The following SERPINB11 variants were observed in gnomAD, a reference collection of about 807,000 sequenced individuals.
SERPINB11 encodes serpin family B member 11.
Under a neutral mutation model 36.7 loss-of-function variants are expected in SERPINB11, and 32 were observed. That is an observed-to-expected ratio of 0.87 (90% CI 0.66 to 1.17). SERPINB11 has a LOEUF of 1.17. Among genes scored for constraint, SERPINB11 ranks in the 50% most tolerant of loss-of-function variants. The probability of loss-of-function intolerance (pLI) is 0.00; values close to 1 mark genes in which losing one functional copy is unlikely to be tolerated. For missense variants in SERPINB11, 528 were observed against 458.4 expected (o/e 1.15, Z -1.39); for synonymous variants, 174 against 168.1 (o/e 1.04, Z -0.27).
chr18:63,710,126 A>T, intron 1 of SERPINB11, 53 bp from the exon 2 acceptor site: 1 of 1,403,376 alleles, frequency 7.1e-7, no homozygotes, highest in Non-Finnish European at 9.6e-7. Flanking sequence ...AACTCCAGAT[A>T]CTATCTGTAA....
chr18:63,722,948 G>T (rs1232732849), intron 7 of SERPINB11, 47 bp from the exon 8 acceptor site: 1 of 1,484,516 alleles, frequency 6.7e-7, no homozygotes, highest in African/African-American at 1.4e-5. Flanking sequence ...TTAATGTAGA[G>T]GTCGTGTGTT....
intron 1 of SERPINB11, among the ~76,000 whole-genome samples, chr18:63,703,488 T>C (rs1415150174): frequency 1.3e-5 from 2 of 152,240 alleles, no homozygotes; most frequent in African/African-American, 4.8e-5. Context: ...GTGTATTCTG[T>C]ACATGCAGGT....
Position 63,720,066 on chromosome 18 carries a change from G to T in SERPINB11, c.529G>T (p.Val177Phe), listed in dbSNP as rs369047686. 3.1e-6 allele frequency: 5 copies of T among 1,610,984 alleles called. No homozygotes were observed. The highest frequency in any genetic ancestry group is 1.3e-5 in the African/African-American group (1 of 74,766). The part of the protein sequence containing the change: ...KSTIDPSSVM[V>F]LVNAIYFKGQ... The stretch of plus-strand genomic sequence containing the variant: ...CACAATTGACCCTTCATCTGTAATG[G>T]TCCTGGTGAATGCCATATATTTCAA... Residue 177 changes from valine (V) to phenylalanine (F), a missense_variant, in exon 6 of 8, where the codon GTC (valine) becomes TTC (phenylalanine). Val to Phe is a conservative substitution (Grantham distance 50, BLOSUM62 -1). Transcript: ENST00000544088.
chr18:63,716,263 C>G (rs1598965399), intron 5 of SERPINB11, 111 bp downstream of exon 5: 2 of 588,422 alleles, frequency 3.4e-6, no homozygotes, highest in Non-Finnish European at 2.9e-6. Flanking sequence ...ATAGGCAGAT[C>G]AGCAAGAAAG....
chr18:63,708,243 A>AC (rs1359970310), intron 1 of SERPINB11, among the ~76,000 whole-genome samples: 4 of 152,192 alleles, frequency 2.6e-5, no homozygotes, highest in Admixed American at 6.5e-5. Flanking sequence ...TCTCTGAGTA[A>AC]AAGGGAAGAC....
At chr18:63,707,038 G>C (rs79303753) in intron 1 of SERPINB11, among the ~76,000 whole-genome samples, 2 of 152,246 alleles carry the variant, frequency 1.3e-5, no homozygotes, top group South Asian at 4.2e-4. Flanking sequence ...TGTCTTTCTC[G>C]TAAGAATTAT....
In SERPINB11 at chr18:63,711,377, T is replaced by C. The variant is rs1914520694; in HGVS notation, c.211T>C (p.Phe71Leu). ...SHTVDSLKPG[F>L]KDSPKCSQAG... ...TACTGTAGACTCATTAAAACCAGGG[T>C]TCAAGGACTCACCTAAGGTATGATA... Residue 71 changes from phenylalanine (F) to leucine (L), a missense_variant, in exon 3 of 8, where the codon TTC (phenylalanine) becomes CTC (leucine). By Grantham distance (22) the Phe-to-Leu change is conservative. Transcript: ENST00000544088. 6.2e-7 allele frequency: 1 copy of C among 1,608,918 alleles called. No individual in the cohort carries two copies. Among genetic ancestry groups the C allele is most frequent in the Non-Finnish European group, 8.5e-7 (1 of 1,176,060 alleles).
chr18:63,723,488 T>A lies in SERPINB11; in HGVS notation c.*89T>A. The A allele has an allele frequency of 8.2e-7, 1 of 1,223,870 alleles. No individual in the cohort carries two copies. The highest frequency in any genetic ancestry group is 1.1e-6 in the Non-Finnish European group (1 of 871,652). The allele number at this position is 1,223,870 out of a possible 1,614,324, so 75.8% of individuals were successfully genotyped here. On this transcript the variant is annotated 3_prime_UTR_variant, in exon 8 of 8. Coordinates refer to ENST00000544088, the MANE Select transcript of SERPINB11 (RefSeq NM_001370475.1). ...CCACGGCCAAAAAGCTGTTCACACC[T>A]CACACACCTCTGTGCCTCAGTTTGC...
chr18:63,712,760 G>A (rs1270892601), intron 4 of SERPINB11, 67 bp downstream of exon 4: 7 of 1,516,346 alleles, frequency 4.6e-6, no homozygotes, highest in Non-Finnish European at 6.4e-6. Flanking sequence ...CCCCAAAATT[G>A]ATGAAGAGTG....
At chr18:63,709,424 A>T (rs2144533221) in intron 1 of SERPINB11, among the ~76,000 whole-genome samples, 1 of 152,194 alleles carries the variant, frequency 6.6e-6, no homozygotes, top group South Asian at 2.1e-4. Flanking sequence ...ATCCTGGCTA[A>T]CACGGTGAAA....
rs1244539781 is a variant in SERPINB11, at chr18:63,720,958, T to C, written c.746T>C (p.Leu249Pro). The stretch of plus-strand genomic sequence containing the variant: ...AACAAATTAAGCATGATTATTCTGC[T>C]TCCAGTAGGCATAGCTAATCTGAAA... ...VNNKLSMIIL[L>P]PVGIANLKQI... The change falls in exon 7 of 8, where the codon CTT (leucine) becomes CCT (proline). Residue 249 changes from leucine (L) to proline (P), a missense_variant. Leu to Pro is a moderately conservative substitution (Grantham distance 98). Coordinates refer to ENST00000544088, the MANE Select transcript of SERPINB11 (RefSeq NM_001370475.1). The C allele has an allele frequency of 2.5e-6, 4 of 1,609,834 alleles. No individual in the cohort carries two copies. In the Admixed American group the frequency reaches 5.0e-5, roughly 20 times the overall value.
intron 1 of SERPINB11, among the ~76,000 whole-genome samples, chr18:63,707,591 C>T (rs117341328): frequency 6.6e-6 from 1 of 152,308 alleles, no homozygotes; most frequent in East Asian, 1.9e-4. Flanking sequence ...ATGCTTATTT[C>T]ATTCTTCTAG....
At chr18:63,715,943 C>A in intron 4 of SERPINB11, 92 bp from the exon 5 acceptor site, 1 of 693,088 alleles carries the variant, frequency 1.4e-6, no homozygotes, top group Non-Finnish European at 2.4e-6. Flanking sequence ...GCTTTTTTCT[C>A]TGCATTAGAA....
rs1948886294 is a variant in SERPINB11, at chr18:63,715,962, T to A, written c.358-73T>A. ...TTTTCTCTGCATTAGAATTTTAGAA[T>A]ACATTGAGCTGTAGATTTTTGTTTT... On this transcript the variant is annotated intron_variant, in intron 4 of 7. Transcript: ENST00000544088. 3 of 861,792 alleles carry A rather than the reference T, an allele frequency of 3.5e-6. No homozygotes were observed. The South Asian group carries it at 5.1e-5, about 15-fold the overall frequency. 53.4% of individuals were successfully genotyped at this position (861,792 alleles called of 1,614,324 possible). A position where few individuals can be genotyped will look rare whatever the true frequency, so the allele number is the denominator to read the frequency against.
At chr18:63,721,173 T>C (rs1914804282) in intron 7 of SERPINB11, among the ~76,000 whole-genome samples, 187 bp downstream of exon 7, 1 of 152,212 alleles carries the variant, frequency 6.6e-6, no homozygotes, top group Non-Finnish European at 1.5e-5. Context: ...CAGGACAGTG[T>C]GTTTATGGAG....
At chr18:63,703,214 TCTTTGAG>T (rs1914284520) in intron 1 of SERPINB11, among the ~76,000 whole-genome samples, 2 of 152,182 alleles carry the variant, frequency 1.3e-5, no homozygotes, top group Non-Finnish European at 2.9e-5. Flanking sequence ...CATTTAAAAA[TCTTTGAG>T]GCAGGCTGAC....
At chr18:63,712,754 A>C in intron 4 of SERPINB11, 61 bp downstream of exon 4, 1 of 1,546,556 alleles carries the variant, frequency 6.5e-7, no homozygotes, top group Non-Finnish European at 8.9e-7. Context: ...TTCATACCCC[A>C]AAATTGATGA....
intron 2 of SERPINB11, 48 bp from the exon 3 acceptor site, chr18:63,711,287 C>A: frequency 7.9e-7 from 1 of 1,270,126 alleles, no homozygotes; most frequent in Non-Finnish European, 1.1e-6. Context: ...CCTTTATAGA[C>A]TGTACATTGC....
chr18:63,716,194 T>A, intron 5 of SERPINB11, 42 bp downstream of exon 5: 1 of 1,306,764 alleles, frequency 7.7e-7, no homozygotes, highest in Non-Finnish European at 1.1e-6. Flanking sequence ...CTGTGTTGTG[T>A]TGATAAGCAA....
Sources: allele counts gnomAD v4.1 joint callset (sites outside exome capture counted in the v4.1 genomes callset), GRCh38; gene constraint gnomAD v4.1.1; transcripts MANE v1.5; gene names NCBI Gene and HGNC (gene_info 2026-07-23, HGNC 2026-07-21).